OR7D4: variants seen among roughly 807,000 people sequenced by gnomAD.
OR7D4 encodes the protein olfactory receptor 7D4.
For synonymous variants in OR7D4, 154 were observed against 158.4 expected (o/e 0.97, Z 0.21); for missense variants, 319 against 377.1 (o/e 0.85, Z 1.27).
In OR7D4 at chr19:9,212,723, G is replaced by A. The variant is rs2051180686; in HGVS notation, c.*1176C>T. On this transcript the variant is annotated 3_prime_UTR_variant, in exon 2 of 2. Transcript: ENST00000641669. ...TTCAAATATAGAGTCATAATTTGAA[G>A]TTGAAAATCACATTATCATTCTTTG... 1 of 152,020 alleles carries A rather than the reference G, an allele frequency of 6.6e-6. No homozygotes were observed. Among genetic ancestry groups the A allele is most frequent in the Non-Finnish European group, 1.5e-5 (1 of 68,006 alleles). 9.4% of individuals were successfully genotyped at this position (152,020 alleles called of 1,614,324 possible).
At chr19:9,215,369 CTT>C (rs1403354441) in intron 1 of OR7D4, among the ~76,000 whole-genome samples, 1 of 141,780 alleles carries the variant, frequency 7.1e-6, no homozygotes, top group African/African-American at 2.5e-5. Context: ...AAAAAAACCT[CTT>C]TTTTTCATTT....
intron 1 of OR7D4, among the ~76,000 whole-genome samples, chr19:9,216,640 G>A (rs181394695): frequency 2.0e-5 from 3 of 151,966 alleles, no homozygotes; most frequent in African/African-American, 7.2e-5. Flanking sequence ...TGACCAGGCT[G>A]GAGTGCAGTG....
chr19:9,213,685 C>T lies in OR7D4; in HGVS notation c.*214G>A. The T allele has an allele frequency of 1.9e-6, 1 of 528,474 alleles. No homozygotes were observed. Among genetic ancestry groups the T allele is most frequent in the African/African-American group, 1.9e-5 (1 of 52,414 alleles). 32.7% of individuals were successfully genotyped at this position (528,474 alleles called of 1,614,324 possible). ...CCTGGGAGGTAGAGGTTGCAGTGAGCCAAGATTGCACCACTGCACTCTAGC... is the reference window on the plus strand; with the variant it reads ...CCTGGGAGGTAGAGGTTGCAGTGAGTCAAGATTGCACCACTGCACTCTAGC... On this transcript the variant is annotated 3_prime_UTR_variant, in exon 2 of 2. Coordinates refer to ENST00000641669, the MANE Select transcript of OR7D4 (RefSeq NM_001005191.3).
intron 1 of OR7D4, among the ~76,000 whole-genome samples, chr19:9,218,818 G>A (rs2051236312): frequency 6.6e-6 from 1 of 152,020 alleles, no homozygotes; most frequent in Non-Finnish European, 1.5e-5. Context: ...TTGTTTAGTA[G>A]AGACAGGGTT....
intron 1 of OR7D4, among the ~76,000 whole-genome samples, chr19:9,218,983 G>A (rs1043011918): frequency 1.3e-5 from 2 of 152,062 alleles, no homozygotes; most frequent in African/African-American, 4.8e-5. Context: ...TTGAATGTCA[G>A]AAATAATTGT....
intron 1 of OR7D4, among the ~76,000 whole-genome samples, chr19:9,215,676 A>G (rs2051206627): frequency 6.6e-6 from 1 of 152,194 alleles, no homozygotes; most frequent in African/African-American, 2.4e-5. Context: ...AAAATGCCAT[A>G]TGCACGGTAG....
At chr19:9,218,165 T>C (rs2051230749) in intron 1 of OR7D4, among the ~76,000 whole-genome samples, 1 of 152,198 alleles carries the variant, frequency 6.6e-6, no homozygotes, top group Admixed American at 6.5e-5. Flanking sequence ...CAAATTGAAA[T>C]GTTCTATAAA....
At chr19:9,215,341 CAAAA>C (rs56111510) in intron 1 of OR7D4, among the ~76,000 whole-genome samples, 59 of 83,136 alleles carry the variant, frequency 7.1e-4, no homozygotes, top group African/African-American at 1.8e-3. Flanking sequence ...GACTCCGTCT[CAAAA>C]AAAAAAAAAA....
rs1425658149 is a variant in OR7D4, at chr19:9,211,959, GA to G, written c.*1939del. 3 of 152,090 alleles carry G rather than the reference GA, an allele frequency of 2.0e-5. No individual in the cohort carries two copies. The highest frequency in any genetic ancestry group is 2.9e-5 in the Non-Finnish European group (2 of 68,034). The allele number at this position is 152,090 out of a possible 1,614,324, so 9.4% of individuals were successfully genotyped here. A position where few individuals can be genotyped will look rare whatever the true frequency, so the allele number is the denominator to read the frequency against. ...CTTGGTGGTGGGAACTCAGAGGACAGAAGAGGTTTTAATGAGAAGAGGAAGC... is the reference window on the plus strand; with the variant it reads ...CTTGGTGGTGGGAACTCAGAGGACAGAGAGGTTTTAATGAGAAGAGGAAGC... On this transcript the variant is annotated 3_prime_UTR_variant, in exon 2 of 2. Coordinates refer to ENST00000641669, the MANE Select transcript of OR7D4 (RefSeq NM_001005191.3).
chr19:9,215,414 A>T lies in OR7D4; in HGVS notation c.-13-564T>A, dbSNP rs1599223024. On this transcript the variant is annotated intron_variant, in intron 1 of 1. Transcript: ENST00000641669. ...AGTTTTAATTCCCCCATTTGTATCT[A>T]TGAACTTAAATCAATTTCTTCTTTG... 3.3e-5 allele frequency among the ~76,000 whole-genome samples: 5 copies of T among 149,442 alleles called. 1 individual carries two copies. In the Admixed American group the frequency reaches 3.4e-4, roughly 10 times the overall value.
Position 9,213,735 on chromosome 19 carries a change from C to T in OR7D4, c.*164G>A. On this transcript the variant is annotated 3_prime_UTR_variant, in exon 2 of 2. Coordinates refer to ENST00000641669, the MANE Select transcript of OR7D4 (RefSeq NM_001005191.3). ...CCTGGGCGACAGAGCCAGACTCTGT[C>T]TCAAAAACAATAACAATAACAACAA... 3.2e-6 allele frequency: 2 copies of T among 617,806 alleles called. No homozygotes were observed. The highest frequency in any genetic ancestry group is 5.6e-6 in the Non-Finnish European group (2 of 355,380). The allele number at this position is 617,806 out of a possible 1,614,324, so 38.3% of individuals were successfully genotyped here.
At chr19:9,215,055 C>G (rs777051909) in intron 1 of OR7D4, among the ~76,000 whole-genome samples, 1 of 151,964 alleles carries the variant, frequency 6.6e-6, no homozygotes, top group Non-Finnish European at 1.5e-5. Context: ...TTAGAAATCT[C>G]TCTCTTTGGC....
At chr19:9,216,743 C>G (rs1054280046) in intron 1 of OR7D4, among the ~76,000 whole-genome samples, 6 of 152,188 alleles carry the variant, frequency 3.9e-5, no homozygotes, top group Non-Finnish European at 7.4e-5. Context: ...AGGCATGCAC[C>G]ACCATGCCCA....
chr19:9,212,934 T>C lies in OR7D4; in HGVS notation c.*965A>G, dbSNP rs1408200583. The stretch of plus-strand genomic sequence containing the variant: ...TGCCCCGAAAATTTTATATCACTGT[T>C]TTTATGGAAAGTAGGATGGCAAAGT... On this transcript the variant is annotated 3_prime_UTR_variant, in exon 2 of 2. Coordinates refer to ENST00000641669, the MANE Select transcript of OR7D4 (RefSeq NM_001005191.3). 5.3e-5 allele frequency: 8 copies of C among 152,088 alleles called. No individual in the cohort carries two copies. The highest frequency in any genetic ancestry group is 3.9e-4 in the Admixed American group (6 of 15,254). The allele number at this position is 152,088 out of a possible 1,614,324, so 9.4% of individuals were successfully genotyped here. A position where few individuals can be genotyped will look rare whatever the true frequency, so the allele number is the denominator to read the frequency against.
rs1568328547 is a variant in OR7D4 at position 9,210,907 on chromosome 19, A to G, written c.*2992T>C. On this transcript the variant is annotated 3_prime_UTR_variant, in exon 2 of 2. Transcript: ENST00000641669. The stretch of plus-strand genomic sequence containing the variant: ...GGCTTATTTTGTCTGAAGGTCCAGG[A>G]GAACATTGTTAAGTCTGTAGAAATA... 1 of 152,250 alleles carries G rather than the reference A, an allele frequency of 6.6e-6. No individual in the cohort carries two copies. Among genetic ancestry groups the G allele is most frequent in the Admixed American group, 6.5e-5 (1 of 15,286 alleles). The allele number at this position is 152,250 out of a possible 1,614,324, so 9.4% of individuals were successfully genotyped here.
At chr19:9,217,862 TAAGGA>T (rs2051226937) in intron 1 of OR7D4, among the ~76,000 whole-genome samples, 2 of 151,626 alleles carry the variant, frequency 1.3e-5, no homozygotes, top group Admixed American at 6.6e-5. Flanking sequence ...TTAGGGGAAG[TAAGGA>T]AAGGAAAGGG....
chr19:9,218,693 G>A (rs745380156), intron 1 of OR7D4, among the ~76,000 whole-genome samples: 1 of 152,112 alleles, frequency 6.6e-6, no homozygotes, highest in Non-Finnish European at 1.5e-5. Context: ...GCGGGGTGCA[G>A]TCTCAGCTTA....
chr19:9,214,006 A>G lies in OR7D4; in HGVS notation c.832T>C (p.Tyr278His), dbSNP rs1380828189. The G allele has an allele frequency of 6.2e-7, 1 of 1,614,114 alleles. No individual in the cohort carries two copies. ...TTCAGCATGGGGGTGACCATGGCGTACATCACTGAGGCGGTGGAGCTGCTC... is the reference window on the plus strand; with the variant it reads ...TTCAGCATGGGGGTGACCATGGCGTGCATCACTGAGGCGGTGGAGCTGCTC... ...SQSSSTASVMYAMVTPMLNPF... is the reference protein window; with the variant it reads ...SQSSSTASVMHAMVTPMLNPF... The change falls in exon 2 of 2, where the codon TAC becomes CAC. Residue 278 changes from tyrosine (Y) to histidine (H), a missense_variant. By Grantham distance (83) the Tyr-to-His change is moderately conservative. Transcript: ENST00000641669.
chr19:9,212,130 A>G lies in OR7D4; in HGVS notation c.*1769T>C, dbSNP rs2051176631. On this transcript the variant is annotated 3_prime_UTR_variant, in exon 2 of 2. Transcript: ENST00000641669. ...ATGAAACGTTTTGATACAGGAATGC[A>G]ATGTGAAATAACCACATCGTGGAGA... is the stretch of plus-strand genomic sequence containing the variant. 1 of 152,354 alleles carries G rather than the reference A, an allele frequency of 6.6e-6. No homozygotes were observed. Among genetic ancestry groups the G allele is most frequent in the African/African-American group, 2.4e-5 (1 of 41,590 alleles). 9.4% of individuals were successfully genotyped at this position (152,354 alleles called of 1,614,324 possible). A position where few individuals can be genotyped will look rare whatever the true frequency, so the allele number is the denominator to read the frequency against.
Sources: gnomAD v4.1 joint callset for allele counts (sites outside exome capture counted in the v4.1 genomes callset) on GRCh38, gnomAD v4.1.1 for gene constraint, MANE v1.5 for transcripts, NCBI Gene and HGNC (gene_info 2026-07-23, HGNC 2026-07-21) for gene names.